Variants in CDH22 observed in about 807,000 individuals in gnomAD.
CDH22 encodes the protein cadherin 22.
CDH22 carries 30 observed loss-of-function variants against 58.4 expected under a neutral mutation model. The ratio of observed to expected loss-of-function variants is 0.51; its 90% CI spans 0.38 to 0.70. The LOEUF is 0.70. CDH22 is among the 30% of genes least tolerant of loss of function. CDH22 has a pLI of 0.00. For synonymous variants in CDH22, 513 were observed against 558.2 expected, an observed-to-expected ratio of 0.92 and a Z score of 1.14; for missense variants, 1,014 against 1,233.9, an observed-to-expected ratio of 0.82 and a Z score of 2.67.
At chr20:46,302,186 C>T (rs1008479838) in intron 1 of CDH22, among the ~76,000 whole-genome samples, 22 of 152,320 alleles carry the variant, frequency 1.4e-4, no homozygotes, top group African/African-American at 4.8e-4. Flanking sequence ...AATGAAAAAG[C>T]CCAGTGCCTG....
Position 46,174,905 on chromosome 20 carries a change from C to G in CDH22, c.2088G>C (p.Glu696Asp), listed in dbSNP as rs374948412. The change falls in exon 12 of 12, where the codon GAG (glutamate) becomes GAC (aspartate). Residue 696 changes from glutamate to aspartate, a missense_variant. Around this residue, in one of 2 missense-constraint regions of CDH22, gnomAD observed 208 missense variants for 195.2 expected, o/e 1.07. Coordinates refer to ENST00000537909, the MANE Select transcript of CDH22 (RefSeq NM_021248.3). This position sits in a 1 kb window ranked among gnomAD's most constrained non-coding sequence, Gnocchi z 4.4. The part of the protein sequence containing the change: ...SALRSLYDFG[E>D]LKGGDGGGSA... ...TGCCGCCCCCGTCGCCGCCCTTGAG[C>G]TCGCCGAAGTCGTAGAGGCTCCGCA... The G allele has an allele frequency of 9.2e-6, 13 of 1,411,556 alleles. No individual in the cohort carries two copies. In the African/African-American group the frequency reaches 1.6e-4, roughly 18 times the overall value. 87.4% of individuals were successfully genotyped at this position (1,411,556 alleles called of 1,614,324 possible).
At chr20:46,178,586 CTTTTTTTT>C (rs33937889) in intron 10 of CDH22, among the ~76,000 whole-genome samples, 2 of 95,342 alleles carry the variant, frequency 2.1e-5, no homozygotes, top group Admixed American at 2.4e-4. Flanking sequence ...CTGGCGTTGT[CTTTTTTTT>C]TTTTTTTTTT....
chr20:46,292,627 C>G (rs1228128538), intron 1 of CDH22, among the ~76,000 whole-genome samples: 2 of 152,142 alleles, frequency 1.3e-5, no homozygotes. Flanking sequence ...AAGTCACTGC[C>G]CCTCTCCAGA....
intron 1 of CDH22, among the ~76,000 whole-genome samples, chr20:46,268,131 G>C (rs910099534): frequency 6.6e-6 from 1 of 152,256 alleles, no homozygotes; most frequent in African/African-American, 2.4e-5. Context: ...TTGGCTGAGG[G>C]CTGTCAGCAG....
intron 1 of CDH22, among the ~76,000 whole-genome samples, chr20:46,307,713 G>T (rs1248929764): frequency 6.6e-6 from 1 of 151,946 alleles, no homozygotes; most frequent in Admixed American, 6.5e-5. Context: ...CCCGGACGCG[G>T]CACGACCTCG....
Position 46,174,635 on chromosome 20 carries a change from G to A in CDH22, c.2358C>T (p.Ser786=), listed in dbSNP as rs1254450649. The change falls in exon 12 of 12, where the codon AGC becomes AGT. Residue 786 remains serine (S), a synonymous_variant. Coordinates refer to ENST00000537909, the MANE Select transcript of CDH22 (RefSeq NM_021248.3). This position sits in a 1 kb window ranked among gnomAD's most constrained non-coding sequence, Gnocchi z 4.4. ...AGCCCGACGAGCCGCTGTGCAGGGA[G>A]CTGAGCGAGGCGGCCGGCGAGTCCG... ...EGADSPAASL[S]SLHSGSSGSE... The A allele has an allele frequency of 3.2e-6, 5 of 1,551,204 alleles. No individual in the cohort carries two copies. Among genetic ancestry groups the A allele is most frequent in the Admixed American group, 1.9e-5 (1 of 51,906 alleles).
At chr20:46,182,666 C>T (rs1192366926) in intron 10 of CDH22, among the ~76,000 whole-genome samples, 1 of 152,204 alleles carries the variant, frequency 6.6e-6, no homozygotes, top group Admixed American at 6.5e-5. Flanking sequence ...CTCTGGCCAC[C>T]CCGGTCCCCT....
chr20:46,181,732 C>CTTCT (rs1157039607), intron 10 of CDH22, among the ~76,000 whole-genome samples: 3 of 51,896 alleles, frequency 5.8e-5, no homozygotes, highest in Non-Finnish European at 8.4e-5. Flanking sequence ...TCCTTCCTTC[C>CTTCT]TTCCTTCCTT....
chr20:46,302,738 C>T (rs2086657654), intron 1 of CDH22, among the ~76,000 whole-genome samples: 1 of 152,130 alleles, frequency 6.6e-6, no homozygotes, highest in African/African-American at 2.4e-5. Context: ...CCAGCATCCC[C>T]ACTCATGTAT....
intron 3 of CDH22, among the ~76,000 whole-genome samples, chr20:46,233,290 C>T (rs1204868388): frequency 1.3e-5 from 2 of 152,134 alleles, no homozygotes; most frequent in Non-Finnish European, 2.9e-5. Flanking sequence ...ATGGACTTGC[C>T]CATCCAGGCG....
rs1174399618 is a variant in CDH22 at position 46,300,872 on chromosome 20, G to A, written c.-400+7383C>T. 2.6e-5 allele frequency among the ~76,000 whole-genome samples: 4 copies of A among 152,128 alleles called. No individual in the cohort carries two copies. The highest frequency in any genetic ancestry group is 7.2e-5 in the African/African-American group (3 of 41,418). On this transcript the variant is annotated intron_variant, in intron 1 of 11. Transcript: ENST00000537909. The surrounding 1 kb of genome is among the most constrained non-coding windows in gnomAD (Gnocchi z 4.4). ...TCATGGCAGAATTGTTTGTAATAGC[G>A]AAGGACTGGAAACAACCCAAATGTC...
At chr20:46,288,374 AAG>A in intron 1 of CDH22, among the ~76,000 whole-genome samples, 1 of 151,894 alleles carries the variant, frequency 6.6e-6, no homozygotes, top group Non-Finnish European at 1.5e-5. Flanking sequence ...ATTTCCCTCC[AAG>A]TTTTCGAAGG....
intron 7 of CDH22, among the ~76,000 whole-genome samples, chr20:46,207,473 C>T (rs889873598): frequency 2.6e-5 from 4 of 152,198 alleles, no homozygotes; most frequent in African/African-American, 9.7e-5. Context: ...TGACAGTGCC[C>T]TTCCTGGAGA....
intron 1 of CDH22, among the ~76,000 whole-genome samples, chr20:46,289,052 C>T (rs1312801046): frequency 6.6e-6 from 1 of 152,190 alleles, no homozygotes; most frequent in Admixed American, 6.5e-5. Flanking sequence ...CTTCTCTGAC[C>T]TTTTCCTACT....
intron 8 of CDH22, among the ~76,000 whole-genome samples, chr20:46,198,268 TC>T: frequency 6.7e-6 from 1 of 148,272 alleles, no homozygotes; most frequent in South Asian, 2.2e-4. Context: ...CTCACATTTC[TC>T]CCTAGCTGCA....
intron 1 of CDH22, among the ~76,000 whole-genome samples, chr20:46,286,336 C>T (rs1376165618): frequency 1.3e-5 from 2 of 152,132 alleles, no homozygotes; most frequent in African/African-American, 2.4e-5. Context: ...AATCTGACCA[C>T]GCCTGGCCCT....
chr20:46,215,532 T>C (rs1186066385), intron 5 of CDH22, among the ~76,000 whole-genome samples: 3 of 151,506 alleles, frequency 2.0e-5, no homozygotes, highest in Admixed American at 6.6e-5. Context: ...GAGGGAGGAG[T>C]TGGGGAAGAG....
intron 1 of CDH22, among the ~76,000 whole-genome samples, chr20:46,266,352 A>AAGCCTC (rs1219741355): frequency 3.3e-5 from 5 of 152,152 alleles, no homozygotes; most frequent in Non-Finnish European, 7.4e-5. Flanking sequence ...TTCAGGGGCC[A>AAGCCTC]AGCCTCAGCC....
chr20:46,201,746 A>T (rs995885107), intron 7 of CDH22, among the ~76,000 whole-genome samples: 1 of 152,118 alleles, frequency 6.6e-6, no homozygotes, highest in South Asian at 2.1e-4. Flanking sequence ...AATGCTCCAT[A>T]CTGTTCCTAA....
Sources: allele counts gnomAD v4.1 joint callset (sites outside exome capture counted in the v4.1 genomes callset), GRCh38; gene constraint gnomAD v4.1.1; regional missense constraint gnomAD v4.1.1; non-coding constraint Gnocchi (gnomAD v3.1); transcripts MANE v1.5; gene names NCBI Gene and HGNC (gene_info 2026-07-23, HGNC 2026-07-21).